Variants in BIVM observed in about 807,000 individuals in gnomAD.
BIVM encodes basic immunoglobulin-like variable motif-containing protein.
In BIVM, 31 loss-of-function variants were observed where a neutral mutation model predicts 61.4. That is an observed-to-expected ratio of 0.51 (90% CI 0.38 to 0.68). BIVM has a LOEUF of 0.68. BIVM is among the 30% of genes least tolerant of loss of function. BIVM has a pLI of 0.00. For synonymous variants in BIVM, 189 were observed against 210.7 expected (o/e 0.90, Z 0.89); for missense variants, 526 against 596.0 (o/e 0.88, Z 1.22).
At chr13:102,835,340 G>GA (rs1429621996) in intron 9 of BIVM, among the ~76,000 whole-genome samples, 1 of 152,000 alleles carries the variant, frequency 6.6e-6, no homozygotes, top group East Asian at 1.9e-4. Context: ...CAAAAAAAGG[G>GA]AAAAAAGTGT....
At chr13:102,800,864 C>T (rs922369711) in intron 1 of BIVM, 1 of 152,240 alleles carries the variant, frequency 6.6e-6, no homozygotes, top group Non-Finnish European at 1.5e-5. Context: ...TACGAGGTCA[C>T]CGGAATGCCC....
At position 102,840,881 on chromosome 13, in the gene BIVM, T is replaced by A. The variant is rs2140507334; in HGVS notation, c.*1016T>A. ...TAAAGTAAAAGAACAATTGGCACCT[T>A]AAGTTTCTATACCCAAGGTTATCTG... On this transcript the variant is annotated 3_prime_UTR_variant, in exon 11 of 11. Transcript: ENST00000257336. 1 of 152,208 alleles carries A rather than the reference T, an allele frequency of 6.6e-6. No individual in the cohort carries two copies. Among genetic ancestry groups the A allele is most frequent in the South Asian group, 2.1e-4 (1 of 4,826 alleles). The allele number at this position is 152,208 out of a possible 1,614,324, so 9.4% of individuals were successfully genotyped here.
At chr13:102,819,112 T>A (rs1317593217) in intron 4 of BIVM, among the ~76,000 whole-genome samples, 1 of 152,192 alleles carries the variant, frequency 6.6e-6, no homozygotes, top group Non-Finnish European at 1.5e-5. Context: ...AATAATCACT[T>A]GTCCACAAAG....
At chr13:102,826,125 C>T (rs6491711) in intron 7 of BIVM, among the ~76,000 whole-genome samples, 37,364 of 151,964 alleles carry the variant, frequency 0.25, 4,747 homozygotes, top group East Asian at 0.43. Flanking sequence ...ATTTTGTTGT[C>T]CATTCCAAAG....
chr13:102,833,327 G>GTTTTGTTTTTTTTTTTTTTTTTTTTTTTT (rs1881232700), intron 8 of BIVM, among the ~76,000 whole-genome samples: 1 of 79,598 alleles, frequency 1.3e-5, no homozygotes, highest in Non-Finnish European at 2.6e-5. Flanking sequence ...GATAGGATGG[G>GTTTTGTTTTTTTTTTTTTTTTTTTTTTTT]TTTTTTTTTT....
rs1881724724 is a variant in BIVM at position 102,839,998 on chromosome 13, G to A, written c.*133G>A. ...TTGTGGTATAAAAAATAACCTTGTA[G>A]TTCTCCAGATACTAAGCTTGTATAT... On this transcript the variant is annotated 3_prime_UTR_variant, in exon 11 of 11. Transcript: ENST00000257336. The A allele has an allele frequency of 2.1e-6, 2 of 941,232 alleles. No individual in the cohort carries two copies. Among genetic ancestry groups the A allele is most frequent in the South Asian group, 1.8e-5 (1 of 56,360 alleles). 58.3% of individuals were successfully genotyped at this position (941,232 alleles called of 1,614,324 possible).
Position 102,817,291 on chromosome 13 carries a change from G to A in BIVM, c.605+737G>A, listed in dbSNP as rs138493798. Reference sequence around the variant, plus strand: ...TTTTCCTTTTAGTTTCCTAAATTATGCATCTAACCTCAATATTTCCTGTAA... The same window carrying A: ...TTTTCCTTTTAGTTTCCTAAATTATACATCTAACCTCAATATTTCCTGTAA... On this transcript the variant is annotated intron_variant, in intron 4 of 10. Transcript: ENST00000257336. Among the ~76,000 whole-genome samples the A allele has an allele frequency of 3.0e-4, 45 of 152,218 alleles. No individual in the cohort carries two copies. The East Asian group carries it at 8.3e-3, about 28-fold the overall frequency.
chr13:102,820,795 G>T, intron 4 of BIVM: 1 of 427,080 alleles, frequency 2.3e-6, no homozygotes, highest in Non-Finnish European at 4.1e-6. Flanking sequence ...TTTCCCATTG[G>T]TTTGGATAAC....
chr13:102,838,704 T>A lies in BIVM; in HGVS notation c.1183T>A (p.Leu395Ile). Residue 395 changes from leucine to isoleucine, a missense_variant, in exon 10 of 11, where the codon TTA becomes ATA. This residue lies in a region of BIVM where 210 missense variants were observed against 233.1 expected (regional missense o/e 0.90). Transcript: ENST00000257336. ...QNPEYLDIRH[L>I]ERGLQYRKTK... Reference sequence around the variant, plus strand: ...TCCAGAATACCTGGATATCCGGCACTTAGAGAGGGGACTGCAGTATAGAAA... The same window carrying A: ...TCCAGAATACCTGGATATCCGGCACATAGAGAGGGGACTGCAGTATAGAAA... 1 of 1,613,578 alleles carries A rather than the reference T, an allele frequency of 6.2e-7. No homozygotes were observed. Among genetic ancestry groups the A allele is most frequent in the African/African-American group, 1.3e-5 (1 of 75,026 alleles).
In BIVM at chr13:102,840,952, C is replaced by T. The variant is rs1881764892; in HGVS notation, c.*1087C>T. On this transcript the variant is annotated 3_prime_UTR_variant, in exon 11 of 11. Transcript: ENST00000257336. ...TTTGATTGCTTTCTCAGTATGGAGTCATATGTTGATAACAGTACTGAAGAT... is the reference window on the plus strand; with the variant it reads ...TTTGATTGCTTTCTCAGTATGGAGTTATATGTTGATAACAGTACTGAAGAT... The T allele has an allele frequency of 6.6e-6, 1 of 152,516 alleles. No individual in the cohort carries two copies. Among genetic ancestry groups the T allele is most frequent in the Non-Finnish European group, 1.5e-5 (1 of 68,030 alleles). 9.4% of individuals were successfully genotyped at this position (152,516 alleles called of 1,614,324 possible).
At chr13:102,805,828 G>A (rs567318145) in intron 2 of BIVM, among the ~76,000 whole-genome samples, 60 of 152,294 alleles carry the variant, frequency 3.9e-4, no homozygotes, top group African/African-American at 1.4e-3. Flanking sequence ...TGTAGCATGG[G>A]TCAGTACTTC....
intron 7 of BIVM, among the ~76,000 whole-genome samples, chr13:102,831,131 A>G (rs1211330344): frequency 6.6e-6 from 1 of 152,168 alleles, no homozygotes; most frequent in Non-Finnish European, 1.5e-5. Flanking sequence ...AACTTTTTGT[A>G]TATCTTTTAT....
intron 3 of BIVM, among the ~76,000 whole-genome samples, chr13:102,813,666 C>T (rs1045769660): frequency 3.3e-5 from 5 of 152,040 alleles, no homozygotes; most frequent in African/African-American, 1.2e-4. Flanking sequence ...GAGAGTGGGA[C>T]TATTATGTTA....
intron 1 of BIVM, among the ~76,000 whole-genome samples, chr13:102,804,970 T>C (rs770538796): frequency 6.6e-6 from 1 of 152,226 alleles, no homozygotes; most frequent in Non-Finnish European, 1.5e-5. Context: ...GCCTAACTCA[T>C]AGGCTTTCGT....
chr13:102,801,419 T>C (rs983517771), intron 1 of BIVM: 1 of 151,916 alleles, frequency 6.6e-6, no homozygotes, highest in Non-Finnish European at 1.5e-5. Flanking sequence ...ATTTTTTTAT[T>C]TTTTATTTTT....
At chr13:102,803,424 AT>A (rs1878868727) in intron 1 of BIVM, among the ~76,000 whole-genome samples, 1 of 152,098 alleles carries the variant, frequency 6.6e-6, no homozygotes, top group Non-Finnish European at 1.5e-5. Context: ...AATCTCTTGA[AT>A]CCAGGAGACA....
Position 102,807,881 on chromosome 13 carries a change from T to C in BIVM, c.478+136T>C. 1 of 1,061,348 alleles carries C rather than the reference T, an allele frequency of 9.4e-7. No homozygotes were observed. The highest frequency in any genetic ancestry group is 1.3e-6 in the Non-Finnish European group (1 of 760,606). 65.7% of individuals were successfully genotyped at this position (1,061,348 alleles called of 1,614,324 possible). Reference sequence around the variant, plus strand: ...ACATGGCTATCATCTTGTCTGTCAATGTAGTTTTAGGAAAGTAACCTTGAC... The same window carrying C: ...ACATGGCTATCATCTTGTCTGTCAACGTAGTTTTAGGAAAGTAACCTTGAC... On this transcript the variant is annotated intron_variant, in intron 3 of 10. Transcript: ENST00000257336. This position sits in a 1 kb window ranked among gnomAD's most constrained non-coding sequence, Gnocchi z 4.0.
At chr13:102,805,242 A>G (rs921513754) in intron 1 of BIVM, 65 bp from the exon 2 acceptor site, 1 of 152,206 alleles carries the variant, frequency 6.6e-6, no homozygotes, top group South Asian at 2.1e-4. Context: ...TTCCTCTGGT[A>G]TAAATCTTCA....
At position 102,822,084 on chromosome 13, in the gene BIVM, G is replaced by T; in HGVS notation, c.826G>T (p.Asp276Tyr). 1 of 1,613,936 alleles carries T rather than the reference G, an allele frequency of 6.2e-7. No homozygotes were observed. Among genetic ancestry groups the T allele is most frequent in the South Asian group, 1.1e-5 (1 of 91,008 alleles). The change falls in exon 7 of 11, where the codon GAC becomes TAC. Residue 276 changes from aspartate (D) to tyrosine (Y), a missense_variant. Physicochemically the swap from Asp to Tyr is radical, Grantham distance 160 (BLOSUM62 -3). This residue lies in a region of BIVM where 312 missense variants were observed against 343.8 expected (regional missense o/e 0.91). Coordinates refer to ENST00000257336, the MANE Select transcript of BIVM (RefSeq NM_017693.4). ...TLMRWFRQIN[D>Y]HFHVKGCSYV... ...TTTCAGGTGGTTTAGACAAATTAAT[G>T]ACCACTTCCATGTAAAAGGATGCTC... is the stretch of plus-strand genomic sequence containing the variant.
Sources: allele counts gnomAD v4.1 joint callset (sites outside exome capture counted in the v4.1 genomes callset), GRCh38; gene constraint gnomAD v4.1.1; regional missense constraint gnomAD v4.1.1; non-coding constraint Gnocchi (gnomAD v3.1); transcripts MANE v1.5; gene names NCBI Gene and HGNC (gene_info 2026-07-23, HGNC 2026-07-21).